The following ABCA1 variants were observed in gnomAD, a reference collection of about 807,000 sequenced individuals.
ABCA1 encodes the protein phospholipid-transporting ATPase ABCA1.
A neutral mutation model predicts 262.5 loss-of-function variants in ABCA1; 133 were observed. The observed-to-expected ratio is 0.51, with a 90% CI of 0.44 to 0.59. The LOEUF is 0.59. Ranked by LOEUF, ABCA1 falls within the 20% of genes least tolerant of loss-of-function variation. ABCA1 has a pLI of 0.00. For missense variants in ABCA1, 2,452 were observed against 2,777.5 expected (o/e 0.88, Z 2.63); for synonymous variants, 1,022 against 1,043.5 (o/e 0.98, Z 0.40).
chr9:104,913,888 C>A (rs373102130), intron 1 of ABCA1, among the ~76,000 whole-genome samples: 1 of 152,104 alleles, frequency 6.6e-6, no homozygotes, highest in Non-Finnish European at 1.5e-5. Context: ...CTCCGCCTCC[C>A]GGCTTCACGC....
intron 5 of ABCA1, among the ~76,000 whole-genome samples, chr9:104,868,456 C>T (rs1465836462): frequency 6.6e-6 from 1 of 152,202 alleles, no homozygotes; most frequent in Non-Finnish European, 1.5e-5. Flanking sequence ...AAAAAGCTGA[C>T]TTGCTCCAAG....
intron 1 of ABCA1, among the ~76,000 whole-genome samples, chr9:104,921,923 T>A (rs770602805): frequency 1.3e-5 from 2 of 152,158 alleles, no homozygotes; most frequent in Non-Finnish European, 2.9e-5. Context: ...AATCCAAGTC[T>A]AATGGAAGTA....
chr9:104,832,773 TG>T lies in ABCA1; in HGVS notation c.1312-3del, dbSNP rs892930061. ...ATTGTCCCTGCTGTCCAACAGCATC[TG>T]CCATTCCAGTGAGAAAGTACAAGTA... On this transcript the variant is annotated splice_region_variant and splice_polypyrimidine_tract_variant and intron_variant, in intron 11 of 49. Transcript: ENST00000374736. 1 of 1,614,018 alleles carries T rather than the reference TG, an allele frequency of 6.2e-7. No individual in the cohort carries two copies. Among genetic ancestry groups the T allele is most frequent in the African/African-American group, 1.3e-5 (1 of 75,038 alleles).
chr9:104,786,674 T>G lies in ABCA1; in HGVS notation c.6308+199A>C, dbSNP rs150202542. ...ACCTAAATGCACTGACTTGGAATAA[T>G]GTTTACAATATATTAAGTGAAAAAG... On this transcript the variant is annotated intron_variant, in intron 47 of 49. Transcript: ENST00000374736. 5.4e-4 allele frequency among the ~76,000 whole-genome samples: 83 copies of G among 152,360 alleles called. 1 individual carries two copies. Among genetic ancestry groups the G allele is most frequent in the African/African-American group, 2.0e-3 (83 of 41,590 alleles).
intron 20 of ABCA1, among the ~76,000 whole-genome samples, chr9:104,820,764 G>A (rs919151846): frequency 8.7e-6 from 1 of 115,126 alleles, no homozygotes; most frequent in Non-Finnish European, 1.7e-5. Context: ...GGAGGGTGGC[G>A]GGGGAGAGGA....
rs146024599 is a variant in ABCA1, at chr9:104,800,565, A to C, written c.4718T>G (p.Phe1573Cys). 1 of 1,614,034 alleles carries C rather than the reference A, an allele frequency of 6.2e-7. No homozygotes were observed. Among genetic ancestry groups the C allele is most frequent in the Admixed American group, 1.7e-5 (1 of 60,012 alleles). Residue 1573 changes from phenylalanine to cysteine, a missense_variant, in exon 35 of 50, where the codon TTT (phenylalanine) becomes TGT (cysteine). By Grantham distance (205) the Phe-to-Cys change is radical (BLOSUM62 -2). Transcript: ENST00000374736. ...CATAAATCTTCCCAAGCTGTTGAGA[A>C]ATCGATCTGCAGAACTGTCCTGTAA... ...KLAKDSSADR[F>C]LNSLGRFMTG...
chr9:104,837,413 C>T lies in ABCA1; in HGVS notation c.1194+15G>A. On this transcript the variant is annotated intron_variant, in intron 10 of 49. Coordinates refer to ENST00000374736, the MANE Select transcript of ABCA1 (RefSeq NM_005502.4). The stretch of plus-strand genomic sequence containing the variant: ...GAGATTCTGGGGAGGGAGTCTTGGG[C>T]TGGGGGCAGCTTACCTCAGCCATGA... 6.2e-7 allele frequency: 1 copy of T among 1,613,934 alleles called. No homozygotes were observed. Among genetic ancestry groups the T allele is most frequent in the Non-Finnish European group, 8.5e-7 (1 of 1,179,866 alleles).
chr9:104,790,886 TC>T (rs755466730), intron 44 of ABCA1, 35 bp downstream of exon 44: 1 of 1,378,464 alleles, frequency 7.3e-7, no homozygotes, highest in Non-Finnish European at 1.0e-6. Context: ...AAAAACAAAG[TC>T]TTTGCAGCAA....
Position 104,928,150 on chromosome 9 carries a change from A to T in ABCA1, c.-308T>A, listed in dbSNP as rs2118580186. Reference sequence around the variant, plus strand: ...CCCGGCCCCACTCACTCTCGCTCGCAATTACGGGGTTTTTGCCGGGACTAG... The same window carrying T: ...CCCGGCCCCACTCACTCTCGCTCGCTATTACGGGGTTTTTGCCGGGACTAG... On this transcript the variant is annotated 5_prime_UTR_variant, in exon 1 of 50. Transcript: ENST00000374736. 6.6e-6 allele frequency: 1 copy of T among 152,206 alleles called. No homozygotes were observed. The highest frequency in any genetic ancestry group is 2.4e-5 in the African/African-American group (1 of 41,510). The allele number at this position is 152,206 out of a possible 1,614,324, so 9.4% of individuals were successfully genotyped here. A position where few individuals can be genotyped will look rare whatever the true frequency, so the allele number is the denominator to read the frequency against.
chr9:104,925,375 C>CA (rs576630245), intron 1 of ABCA1, among the ~76,000 whole-genome samples: 1,246 of 123,190 alleles, frequency 0.01, 13 homozygotes, highest in African/African-American at 0.024. Flanking sequence ...GACTGCATCT[C>CA]AAAAAAAAAA....
At chr9:104,808,893 T>C (rs1202311143) in intron 30 of ABCA1, among the ~76,000 whole-genome samples, 1 of 152,118 alleles carries the variant, frequency 6.6e-6, no homozygotes, top group African/African-American at 2.4e-5. Flanking sequence ...CTCACAGTGA[T>C]CTGGTGACCT....
intron 5 of ABCA1, among the ~76,000 whole-genome samples, chr9:104,864,365 C>T (rs956380003): frequency 2.0e-5 from 3 of 151,976 alleles, no homozygotes; most frequent in South Asian, 2.1e-4. Context: ...GAACAGAAAG[C>T]GACATCCGGG....
intron 5 of ABCA1, among the ~76,000 whole-genome samples, chr9:104,862,183 A>G (rs981841933): frequency 6.6e-5 from 10 of 151,696 alleles, no homozygotes; most frequent in Non-Finnish European, 1.5e-4. Flanking sequence ...AGCTCACTGC[A>G]ACCCCCGCCT....
intron 43 of ABCA1, among the ~76,000 whole-genome samples, chr9:104,791,519 T>A (rs577055018): frequency 6.6e-6 from 1 of 150,844 alleles, no homozygotes; most frequent in South Asian, 2.1e-4. Flanking sequence ...CTCCCCCTCC[T>A]AGGTTCAAGC....
At chr9:104,920,363 G>A (rs1842078321) in intron 1 of ABCA1, among the ~76,000 whole-genome samples, 1 of 152,166 alleles carries the variant, frequency 6.6e-6, no homozygotes, top group African/African-American at 2.4e-5. Flanking sequence ...TTCCAAGTCT[G>A]AATAGTAATA....
intron 7 of ABCA1, among the ~76,000 whole-genome samples, chr9:104,848,776 A>T (rs1230178769): frequency 6.6e-6 from 1 of 152,040 alleles, no homozygotes; most frequent in African/African-American, 2.4e-5. Flanking sequence ...CTTTGCGCCA[A>T]CGTGCTTGGT....
intron 9 of ABCA1, among the ~76,000 whole-genome samples, chr9:104,839,901 T>C (rs1310869289): frequency 6.6e-6 from 1 of 152,252 alleles, no homozygotes; most frequent in Non-Finnish European, 1.5e-5. Flanking sequence ...CATGTGAAAC[T>C]GACACTTTCT....
At chr9:104,874,622 G>A (rs542034013) in intron 5 of ABCA1, among the ~76,000 whole-genome samples, 50 of 152,270 alleles carry the variant, frequency 3.3e-4, no homozygotes, top group East Asian at 1.4e-3. Context: ...CGGGCGCAGT[G>A]GCTCATGCCT....
intron 5 of ABCA1, among the ~76,000 whole-genome samples, chr9:104,880,974 T>A (rs1349959787): frequency 6.6e-6 from 1 of 151,802 alleles, no homozygotes; most frequent in Non-Finnish European, 1.5e-5. Flanking sequence ...CATGGTGAAA[T>A]CTCATCTCTA....
Sources: gnomAD v4.1 joint callset for allele counts (sites outside exome capture counted in the v4.1 genomes callset) on GRCh38, gnomAD v4.1.1 for gene constraint, MANE v1.5 for transcripts, NCBI Gene and HGNC (gene_info 2026-07-23, HGNC 2026-07-21) for gene names.